ACACA: variants seen among roughly 807,000 people sequenced by gnomAD.
ACACA encodes acetyl-CoA carboxylase 1.
In ACACA, 103 loss-of-function variants were observed where a neutral mutation model predicts 296.1. The ratio of observed to expected loss-of-function variants is 0.35; its 90% CI spans 0.30 to 0.41. The LOEUF is 0.41. Among genes scored for constraint, ACACA ranks in the 10% least tolerant of loss-of-function variants. The pLI, the probability that ACACA is intolerant of heterozygous loss-of-function variation, is 1.00. For missense variants in ACACA, 1,554 were observed against 2,989.7 expected, an observed-to-expected ratio of 0.52 and a Z score of 11.20; for synonymous variants, 953 against 1,038.6, an observed-to-expected ratio of 0.92 and a Z score of 1.58.
chr17:37,227,698 A>G (rs1387935291), intron 25 of ACACA, among the ~76,000 whole-genome samples: 2 of 152,128 alleles, frequency 1.3e-5, no homozygotes, highest in East Asian at 3.9e-4. Context: ...GTCTCTACTA[A>G]AAATACAAAA....
intron 10 of ACACA, among the ~76,000 whole-genome samples, chr17:37,266,296 C>T (rs990809380): frequency 6.6e-6 from 1 of 151,958 alleles, no homozygotes; most frequent in Non-Finnish European, 1.5e-5. Context: ...CACCTGTAAT[C>T]CCAACTACTC....
chr17:37,221,373 C>T (rs1220950057), intron 29 of ACACA: 2 of 330,290 alleles, frequency 6.1e-6, no homozygotes, highest in Non-Finnish European at 1.2e-5. Context: ...TTTTTTTGGT[C>T]TAATTGCTGA....
intron 11 of ACACA, among the ~76,000 whole-genome samples, chr17:37,263,074 G>A (rs141249316): frequency 5.1e-4 from 77 of 152,184 alleles, no homozygotes; most frequent in African/African-American, 1.8e-3. Context: ...CAGTTCAAGA[G>A]TACATCCTAA....
intron 36 of ACACA, 133 bp downstream of exon 36, chr17:37,193,241 A>T: frequency 1.4e-6 from 1 of 707,898 alleles, no homozygotes; most frequent in Non-Finnish European, 2.4e-6. Flanking sequence ...AGACACATGT[A>T]AGGCAACAGG....
intron 3 of ACACA, among the ~76,000 whole-genome samples, chr17:37,293,849 A>C (rs1436020516): frequency 6.6e-6 from 1 of 152,074 alleles, no homozygotes; most frequent in Admixed American, 6.6e-5. Context: ...CAAGATTTTA[A>C]TTTACACAAA....
intron 10 of ACACA, among the ~76,000 whole-genome samples, chr17:37,266,280 G>C (rs2081767150): frequency 6.6e-6 from 1 of 152,024 alleles, no homozygotes. Context: ...CAGGCATTGT[G>C]GTGGGCACCT....
chr17:37,349,885 G>A, intron 1 of ACACA, among the ~76,000 whole-genome samples: 1 of 152,038 alleles, frequency 6.6e-6, no homozygotes, highest in East Asian at 1.9e-4. Context: ...ATTACAAAAG[G>A]GAAAAGTATC....
At chr17:37,393,043 G>A (rs1164109962) in intron 1 of ACACA, among the ~76,000 whole-genome samples, 1 of 151,484 alleles carries the variant, frequency 6.6e-6, no homozygotes, top group African/African-American at 2.4e-5. Context: ...TGGGGAGGCT[G>A]AGGCAGGAGA....
rs1215551053 is a variant in ACACA, at chr17:37,259,544, G to C, written c.1330-14C>G. 6.2e-7 allele frequency: 1 copy of C among 1,614,114 alleles called. No homozygotes were observed. ...TTTCACCGCACACTCAAAGAAGAGA[G>C]ATAAGCAAACATAAGTATCTCACCT... On this transcript the variant is annotated splice_polypyrimidine_tract_variant and intron_variant, in intron 11 of 55. Transcript: ENST00000616317.
intron 3 of ACACA, among the ~76,000 whole-genome samples, chr17:37,308,223 C>T (rs565647721): frequency 6.6e-6 from 1 of 151,732 alleles, no homozygotes; most frequent in East Asian, 1.9e-4. Flanking sequence ...ATTTATGAGT[C>T]AAAAAATCAC....
At chr17:37,239,926 A>G (rs2080308148) in intron 24 of ACACA, among the ~76,000 whole-genome samples, 2 of 152,250 alleles carry the variant, frequency 1.3e-5, no homozygotes. Flanking sequence ...AAGCAATGTC[A>G]GCAGTAAACA....
intron 1 of ACACA, among the ~76,000 whole-genome samples, chr17:37,366,436 G>A (rs2946537): frequency 6.7e-6 from 1 of 150,100 alleles, no homozygotes; most frequent in Admixed American, 6.6e-5. Context: ...TCCTGTATGT[G>A]ATATCTTAGA....
At chr17:37,269,790 G>A (rs988824941) in intron 10 of ACACA, among the ~76,000 whole-genome samples, 1 of 143,464 alleles carries the variant, frequency 7.0e-6, no homozygotes, top group African/African-American at 2.7e-5. Context: ...GAAATAAAAG[G>A]TAGCATGGCA....
intron 1 of ACACA, among the ~76,000 whole-genome samples, chr17:37,401,055 G>A (rs1395444115): frequency 2.0e-5 from 3 of 152,002 alleles, no homozygotes; most frequent in East Asian, 1.9e-4. Context: ...TGCTTATCTC[G>A]CTTTTTGATA....
At chr17:37,175,492 A>G (rs927144105) in intron 41 of ACACA, among the ~76,000 whole-genome samples, 1 of 152,244 alleles carries the variant, frequency 6.6e-6, no homozygotes, top group African/African-American at 2.4e-5. Flanking sequence ...GTAAAGCAGA[A>G]CTGTTGGATA....
intron 1 of ACACA, chr17:37,359,049 G>A (rs975195542): frequency 3.0e-6 from 3 of 985,870 alleles, no homozygotes; most frequent in African/African-American, 3.5e-5. Flanking sequence ...CCTGCGTGGA[G>A]GAACTGCTGG....
At chr17:37,285,489 T>C (rs2082724838) in intron 3 of ACACA, among the ~76,000 whole-genome samples, 1 of 152,124 alleles carries the variant, frequency 6.6e-6, no homozygotes, top group Non-Finnish European at 1.5e-5. Context: ...TAATCAGTTT[T>C]AAGGTTCTAC....
chr17:37,170,699 A>AT (rs1463642286), intron 41 of ACACA, among the ~76,000 whole-genome samples: 1 of 152,208 alleles, frequency 6.6e-6, no homozygotes, highest in Non-Finnish European at 1.5e-5. Flanking sequence ...TAATATTAAC[A>AT]TTTATTCTGA....
At chr17:37,110,111 G>C (rs903984709) in intron 52 of ACACA, among the ~76,000 whole-genome samples, 28 of 152,212 alleles carry the variant, frequency 1.8e-4, no homozygotes, top group African/African-American at 6.5e-4. Context: ...AAGAAAAAAA[G>C]GAAAAAGGAA....
Sources: allele counts gnomAD v4.1 joint callset (sites outside exome capture counted in the v4.1 genomes callset), GRCh38; gene constraint gnomAD v4.1.1; transcripts MANE v1.5; gene names NCBI Gene and HGNC (gene_info 2026-07-23, HGNC 2026-07-21).